DPP6: variants seen among roughly 807,000 people sequenced by gnomAD.
DPP6 encodes the protein A-type potassium channel modulatory protein DPP6.
In DPP6, 69 loss-of-function variants were observed where a neutral mutation model predicts 122.6. The observed-to-expected ratio is 0.56, with a 90% CI of 0.46 to 0.69. DPP6 has a LOEUF of 0.69. Ranked by LOEUF, DPP6 falls within the 30% of genes least tolerant of loss-of-function variation. DPP6 has a pLI of 0.00. For synonymous variants in DPP6, 418 were observed against 433.1 expected, an observed-to-expected ratio of 0.97 and a Z score of 0.43; for missense variants, 928 against 1,116.9, an observed-to-expected ratio of 0.83 and a Z score of 2.41.
intron 2 of DPP6, among the ~76,000 whole-genome samples, chr7:154,466,733 G>A (rs748955436): frequency 1.3e-5 from 2 of 152,180 alleles, no homozygotes; most frequent in African/African-American, 2.4e-5. Flanking sequence ...ACCAGTGCAC[G>A]TGGACGTCTT....
intron 8 of DPP6, among the ~76,000 whole-genome samples, chr7:154,753,600 C>T (rs1219261357): frequency 1.3e-5 from 2 of 152,268 alleles, no homozygotes; most frequent in Non-Finnish European, 2.9e-5. Context: ...ATGAAGCTCA[C>T]GTGCCAGTGT....
At chr7:154,867,932 C>G in intron 17 of DPP6, 63 bp from the exon 18 acceptor site, 2 of 1,504,748 alleles carry the variant, frequency 1.3e-6, no homozygotes, top group African/African-American at 2.8e-5. Context: ...AAAGCCATGG[C>G]CCGCAGAGGT....
chr7:154,129,638 G>A (rs1808211892), intron 1 of DPP6, among the ~76,000 whole-genome samples: 2 of 152,306 alleles, frequency 1.3e-5, no homozygotes, highest in South Asian at 2.1e-4. Flanking sequence ...AGTGGCTTAC[G>A]CCTGTAATCC....
At chr7:154,656,172 TG>T (rs1837226067) in intron 6 of DPP6, among the ~76,000 whole-genome samples, 1 of 93,844 alleles carries the variant, frequency 1.1e-5, no homozygotes, top group Non-Finnish European at 2.3e-5. Context: ...GAGAGGGAGG[TG>T]GGGGGAGAGC....
At chr7:154,152,971 G>A (rs1372876845) in intron 1 of DPP6, among the ~76,000 whole-genome samples, 9 of 152,244 alleles carry the variant, frequency 5.9e-5, no homozygotes. Context: ...GGCTGGACAA[G>A]CCAAGCTAAG....
chr7:153,934,306 T>A (rs933893906), intron 1 of DPP6, among the ~76,000 whole-genome samples: 1 of 151,642 alleles, frequency 6.6e-6, no homozygotes, highest in Non-Finnish European at 1.5e-5. Context: ...TTCGAGGGAA[T>A]GTACTCTGCA....
At chr7:154,720,484 G>A (rs1420766086) in intron 7 of DPP6, among the ~76,000 whole-genome samples, 1 of 152,214 alleles carries the variant, frequency 6.6e-6, no homozygotes, top group Admixed American at 6.5e-5. Context: ...CTGGAAGAAG[G>A]AACCAAGGTT....
At position 154,789,494 on chromosome 7, in the gene DPP6, C is replaced by T. The variant is rs190128022; in HGVS notation, c.1137-4585C>T. Among the ~76,000 whole-genome samples the T allele has an allele frequency of 2.5e-3, 384 of 152,326 alleles. 1 individual carries two copies. Among genetic ancestry groups the T allele is most frequent in the African/African-American group, 8.9e-3 (369 of 41,576 alleles). On this transcript the variant is annotated intron_variant, in intron 10 of 25. Coordinates refer to ENST00000377770, the MANE Select transcript of DPP6 (RefSeq NM_130797.4). ...CTGGGCAAGACCTTGTCTGGTTTCA[C>T]CAGTGCCATCTGTGTTGCAGTTAGA...
rs1181859877 is a variant in DPP6, at chr7:154,241,597, C to G, written c.243+188534C>G. Among the ~76,000 whole-genome samples, 1 of 152,106 alleles carries G rather than the reference C, an allele frequency of 6.6e-6. No homozygotes were observed. The highest frequency in any genetic ancestry group is 6.5e-5 in the Admixed American group (1 of 15,272). ...AAAAAAGATCCAATTCCATCCCCAT[C>G]TACTCCAAAATGCCTCCCTATTTAT... On this transcript the variant is annotated intron_variant, in intron 1 of 25. Coordinates refer to ENST00000377770, the MANE Select transcript of DPP6 (RefSeq NM_130797.4). This position sits in a 1 kb window ranked among gnomAD's most constrained non-coding sequence, Gnocchi z 9.0.
intron 1 of DPP6, among the ~76,000 whole-genome samples, chr7:154,316,572 C>G (rs1164109347): frequency 6.6e-6 from 1 of 152,178 alleles, no homozygotes; most frequent in African/African-American, 2.4e-5. Flanking sequence ...TTGGGTTGAT[C>G]TTCTATTTCT....
intron 10 of DPP6, among the ~76,000 whole-genome samples, chr7:154,779,080 CTCCACAACCTCT>C (rs1796827839): frequency 6.6e-6 from 1 of 151,542 alleles, no homozygotes; most frequent in Admixed American, 6.6e-5. Context: ...CCTCCATCAC[CTCCACAACCTCT>C]ACCACCACCA....
At chr7:154,878,168 G>A (rs931981228) in intron 20 of DPP6, among the ~76,000 whole-genome samples, 5 of 152,208 alleles carry the variant, frequency 3.3e-5, no homozygotes, top group African/African-American at 9.6e-5. Context: ...ATCAAGGGCA[G>A]GCCCAGGGGA....
In DPP6 at chr7:154,511,328, A is replaced by C. The variant is rs1291022571; in HGVS notation, c.458-29204A>C. ...ATCACCCATTCAGAGAGGTTAAGTA[A>C]CTTATTCTTAGTCATGCCTGTAGAC... is the stretch of plus-strand genomic sequence containing the variant. On this transcript the variant is annotated intron_variant, in intron 3 of 25. Transcript: ENST00000377770. Among the ~76,000 whole-genome samples, 3 of 152,168 alleles carry C rather than the reference A, an allele frequency of 2.0e-5. No individual in the cohort carries two copies. In the South Asian group the frequency reaches 6.2e-4, roughly 32 times the overall value.
At chr7:154,041,681 C>T (rs3930010) in intron 1 of DPP6, among the ~76,000 whole-genome samples, 48,052 of 152,020 alleles carry the variant, frequency 0.32, 8,027 homozygotes, top group Middle Eastern at 0.39. Flanking sequence ...GGTTTTAGTT[C>T]AGTACCTGCA....
intron 1 of DPP6, among the ~76,000 whole-genome samples, chr7:154,234,343 C>T (rs1801079681): frequency 6.6e-6 from 1 of 152,148 alleles, no homozygotes; most frequent in Admixed American, 6.5e-5. Context: ...GATGATAAGA[C>T]ACTCCCATCT....
At chr7:154,697,606 G>A (rs1379934336) in intron 7 of DPP6, among the ~76,000 whole-genome samples, 1 of 152,234 alleles carries the variant, frequency 6.6e-6, no homozygotes, top group East Asian at 1.9e-4. Context: ...TTATGGGAGA[G>A]GAGTGGTGTT....
At chr7:153,936,207 A>G (rs183210652) in intron 1 of DPP6, among the ~76,000 whole-genome samples, 155 of 152,176 alleles carry the variant, frequency 1.0e-3, no homozygotes, top group African/African-American at 3.6e-3. Flanking sequence ...TGGTGGGTGG[A>G]GACAAGGCAT....
At chr7:153,796,840 G>A in the DPP6 span, among the ~76,000 whole-genome samples, 2 of 152,308 alleles carry the variant, frequency 1.3e-5, no homozygotes, top group South Asian at 4.2e-4. Context: ...CAGGAGCCCT[G>A]TGTGTTTCCT....
At position 154,821,628 on chromosome 7, in the gene DPP6, G is replaced by GTGTA. The variant is rs1799767468; in HGVS notation, c.1666+14517_1666+14518insGTAT. ...ATATATATATATATATTTTTTTTCT[G>GTGTA]TATATATATATATATATACACATAT... On this transcript the variant is annotated intron_variant, in intron 16 of 25. Coordinates refer to ENST00000377770, the MANE Select transcript of DPP6 (RefSeq NM_130797.4). This position sits in a 1 kb window ranked among gnomAD's most constrained non-coding sequence, Gnocchi z 4.2. Among the ~76,000 whole-genome samples, 24 of 68,368 alleles carry GTGTA rather than the reference G, an allele frequency of 3.5e-4. No homozygotes were observed. Among genetic ancestry groups the GTGTA allele is most frequent in the Non-Finnish European group, 5.7e-4 (19 of 33,128 alleles). 44.9% of individuals were successfully genotyped at this position (68,368 alleles called of 152,430 possible).
Sources: gnomAD v4.1 joint callset for allele counts (sites outside exome capture counted in the v4.1 genomes callset) on GRCh38, gnomAD v4.1.1 for gene constraint, Gnocchi (gnomAD v3.1) non-coding constraint, MANE v1.5 for transcripts, NCBI Gene and HGNC (gene_info 2026-07-23, HGNC 2026-07-21) for gene names.